The following RARA variants were observed in gnomAD, a reference collection of about 807,000 sequenced individuals.
RARA encodes PML-DDX5-RARA fusion.
In RARA, 5 loss-of-function variants were observed where a neutral mutation model predicts 42.8. The observed-to-expected ratio is 0.12, with a 90% CI of 0.06 to 0.25. The LOEUF is 0.25. Ranked by LOEUF, RARA falls within the 10% of genes least tolerant of loss-of-function variation. The pLI is 1.00. For missense variants in RARA, 402 were observed against 628.7 expected (o/e 0.64, Z 3.86); for synonymous variants, 256 against 259.5 (o/e 0.99, Z 0.13).
chr17:40,348,272 G>C, intron 2 of RARA, 44 bp from the exon 3 acceptor site: 1 of 1,510,178 alleles, frequency 6.6e-7, no homozygotes, highest in Non-Finnish European at 8.9e-7. Context: ...TACTAAGGAT[G>C]GCGACCTAGG....
At chr17:40,330,082 G>C (rs1019781059) in intron 1 of RARA, among the ~76,000 whole-genome samples, 1 of 151,726 alleles carries the variant, frequency 6.6e-6, no homozygotes, top group Non-Finnish European at 1.5e-5. Context: ...GGTGAAGGGG[G>C]CATCTGGCCT....
rs763553004 is a variant in RARA, at chr17:40,356,714, C to T, written c.*488C>T. ...TGTACATACCCTGCCATACCAACCC[C>T]AGGTATTAATTCTCGCTGGTTTTGT... On this transcript the variant is annotated 3_prime_UTR_variant, in exon 9 of 9. Transcript: ENST00000254066. The T allele has an allele frequency of 2.2e-5, 12 of 537,918 alleles. No individual in the cohort carries two copies. Among genetic ancestry groups the T allele is most frequent in the African/African-American group, 3.7e-5 (2 of 53,560 alleles). 33.3% of individuals were successfully genotyped at this position (537,918 alleles called of 1,614,324 possible). A position where few individuals can be genotyped will look rare whatever the true frequency, so the allele number is the denominator to read the frequency against.
chr17:40,333,928 C>T (rs2033773033), intron 2 of RARA, among the ~76,000 whole-genome samples: 1 of 152,252 alleles, frequency 6.6e-6, no homozygotes, highest in Non-Finnish European at 1.5e-5. Context: ...TGTACCACTG[C>T]ACCCAGCTCA....
intron 1 of RARA, among the ~76,000 whole-genome samples, chr17:40,322,774 C>T (rs1431254436): frequency 6.6e-6 from 1 of 151,990 alleles, no homozygotes; most frequent in Non-Finnish European, 1.5e-5. Flanking sequence ...GAGGGAGAGC[C>T]CTGTCAGTCC....
chr17:40,345,746 G>A lies in RARA; in HGVS notation c.179-2570G>A, dbSNP rs1183611302. On this transcript the variant is annotated intron_variant, in intron 2 of 8. Coordinates refer to ENST00000254066, the MANE Select transcript of RARA (RefSeq NM_000964.4). The surrounding 1 kb of genome is among the most constrained non-coding windows in gnomAD (Gnocchi z 4.8). ...GTTAGCAGGGATGGGCCAGGCCCGG[G>A]CAGTCCCTCCCCCGTTGGTGTCCCT... Among the ~76,000 whole-genome samples, 1 of 152,176 alleles carries A rather than the reference G, an allele frequency of 6.6e-6. No homozygotes were observed. Among genetic ancestry groups the A allele is most frequent in the African/African-American group, 2.4e-5 (1 of 41,432 alleles).
Position 40,348,340 on chromosome 17 carries a change from C to G in RARA, c.203C>G (p.Ser68Cys). 1 of 1,609,792 alleles carries G rather than the reference C, an allele frequency of 6.2e-7. No individual in the cohort carries two copies. The highest frequency in any genetic ancestry group is 1.1e-5 in the South Asian group (1 of 90,496). Residue 68 changes from serine (S) to cysteine (C), a missense_variant, in exon 3 of 9, where the codon TCT (serine) becomes TGT (cysteine). Around this residue, in one of 5 missense-constraint regions of RARA, gnomAD observed 91 missense variants for 105.2 expected, o/e 0.87. Coordinates refer to ENST00000254066, the MANE Select transcript of RARA (RefSeq NM_000964.4). The stretch of plus-strand genomic sequence containing the variant: ...GCCATTGAGACCCAGAGCAGCAGTT[C>G]TGAAGAGATAGTGCCCAGCCCTCCC... Reference protein sequence around the residue: ...PATIETQSSSSEEIVPSPPSP... With the variant: ...PATIETQSSSCEEIVPSPPSP...
At position 40,354,726 on chromosome 17, in the gene RARA, C is replaced by G. The variant is rs959756076; in HGVS notation, c.1012+220C>G. Among the ~76,000 whole-genome samples the G allele has an allele frequency of 6.6e-6, 1 of 152,150 alleles. No individual in the cohort carries two copies. Among genetic ancestry groups the G allele is most frequent in the African/African-American group, 2.4e-5 (1 of 41,426 alleles). On this transcript the variant is annotated intron_variant, in intron 7 of 8. Transcript: ENST00000254066. This position sits in a 1 kb window ranked among gnomAD's most constrained non-coding sequence, Gnocchi z 4.5. ...AGGTTAAGAGTGAGGGTTTGAGGGT[C>G]GGACCAACCAGGGTCACCTCCTGGC...
intron 2 of RARA, among the ~76,000 whole-genome samples, chr17:40,337,232 G>A (rs1330332649): frequency 1.3e-5 from 2 of 152,220 alleles, no homozygotes; most frequent in African/African-American, 4.8e-5. Context: ...ATCTACATAG[G>A]CAGCTTTGAG....
At chr17:40,335,685 G>C (rs542071960) in intron 2 of RARA, among the ~76,000 whole-genome samples, 1 of 149,134 alleles carries the variant, frequency 6.7e-6, no homozygotes, top group Admixed American at 6.7e-5. Flanking sequence ...GCGAGCCTCT[G>C]TCTCCGAAAA....
chr17:40,315,409 T>C (rs2033192361), intron 1 of RARA, among the ~76,000 whole-genome samples: 1 of 151,890 alleles, frequency 6.6e-6, no homozygotes, highest in South Asian at 2.1e-4. Flanking sequence ...AATTTTCTTT[T>C]TGAGCCTCAG....
chr17:40,341,129 A>T, intron 2 of RARA: 1 of 415,794 alleles, frequency 2.4e-6, no homozygotes, highest in African/African-American at 2.0e-5. Flanking sequence ...TACCCAAGCT[A>T]GGCCTTTCTT....
rs1371891710 is a variant in RARA, at chr17:40,331,306, C to T, written c.88C>T (p.Pro30Ser). ...GCCTCCCTACGCCTTCTTCTTCCCC[C>T]CTATGCTGGGTGGACTCTCCCCGCC... is the stretch of plus-strand genomic sequence containing the variant. ...PVPPYAFFFP[P>S]MLGGLSPPGA... The change falls in exon 2 of 9, where the codon CCT (proline) becomes TCT (serine). Residue 30 changes from proline (P) to serine (S), a missense_variant. Pro to Ser is a moderately conservative substitution (Grantham distance 74). Around this residue, in one of 5 missense-constraint regions of RARA, gnomAD observed 91 missense variants for 105.2 expected, o/e 0.87. Transcript: ENST00000254066. 6.2e-7 allele frequency: 1 copy of T among 1,614,148 alleles called. No homozygotes were observed.
intron 4 of RARA, chr17:40,350,213 C>T: frequency 8.9e-5 from 35 of 393,196 alleles, no homozygotes; most frequent in East Asian, 2.1e-4. Context: ...TGTGTGTGTG[C>T]ATGCTCCAGG....
At chr17:40,330,766 ATC>A in intron 1 of RARA, 89 bp from the exon 2 acceptor site, 1 of 209,486 alleles carries the variant, frequency 4.8e-6, no homozygotes, top group Non-Finnish European at 9.7e-6. Flanking sequence ...CCACGGGAAA[ATC>A]TCCGGCAGCC....
intron 1 of RARA, among the ~76,000 whole-genome samples, chr17:40,324,300 T>C (rs1462891810): frequency 6.6e-6 from 1 of 152,138 alleles, no homozygotes; most frequent in Non-Finnish European, 1.5e-5. Context: ...TTCCCATTTT[T>C]TTTTTCCTTC....
At chr17:40,333,496 C>T (rs2033759595) in intron 2 of RARA, among the ~76,000 whole-genome samples, 1 of 151,952 alleles carries the variant, frequency 6.6e-6, no homozygotes, top group South Asian at 2.1e-4. Context: ...CCACACCTAG[C>T]TAATTTTTTT....
At chr17:40,339,668 C>T (rs937863426) in intron 2 of RARA, among the ~76,000 whole-genome samples, 1 of 152,182 alleles carries the variant, frequency 6.6e-6, no homozygotes, top group African/African-American at 2.4e-5. Flanking sequence ...CCACACTCTG[C>T]CTCCCTACTT....
At position 40,355,635 on chromosome 17, in the gene RARA, C is replaced by T. The variant is rs920504357; in HGVS notation, c.1171+214C>T. On this transcript the variant is annotated intron_variant, in intron 8 of 8. Transcript: ENST00000254066. The surrounding 1 kb of genome is among the most constrained non-coding windows in gnomAD (Gnocchi z 4.1). ...CAGATCGTGGCTCTGGAACCAGACA[C>T]GTGGGTGTGTGTCCTTGTGTGGGTC... 2.0e-5 allele frequency among the ~76,000 whole-genome samples: 3 copies of T among 152,220 alleles called. No individual in the cohort carries two copies. The highest frequency in any genetic ancestry group is 2.1e-4 in the South Asian group (1 of 4,838).
rs2034462516 is a variant in RARA at position 40,351,838 on chromosome 17, C to CT, written c.470-71dup. On this transcript the variant is annotated intron_variant, in intron 4 of 8. Coordinates refer to ENST00000254066, the MANE Select transcript of RARA (RefSeq NM_000964.4). The surrounding 1 kb of genome is among the most constrained non-coding windows in gnomAD (Gnocchi z 4.1). ...GACCTCCTCAGCAGCTGGCAGCTCTCTGTCAGGCTGGGGGTGGACGAGGCC... is the reference window on the plus strand; with the variant it reads ...GACCTCCTCAGCAGCTGGCAGCTCTCTTGTCAGGCTGGGGGTGGACGAGGCC... The CT allele has an allele frequency of 6.4e-7, 1 of 1,554,346 alleles. No homozygotes were observed.
Sources: allele counts gnomAD v4.1 joint callset (sites outside exome capture counted in the v4.1 genomes callset), GRCh38; gene constraint gnomAD v4.1.1; regional missense constraint gnomAD v4.1.1; non-coding constraint Gnocchi (gnomAD v3.1); transcripts MANE v1.5; gene names NCBI Gene and HGNC (gene_info 2026-07-23, HGNC 2026-07-21).